Variants in AQR observed in about 807,000 individuals in gnomAD.
The protein encoded by AQR is RNA helicase aquarius.
A neutral mutation model predicts 180.5 loss-of-function variants in AQR; 61 were observed. The ratio of observed to expected loss-of-function variants is 0.34; its 90% CI spans 0.28 to 0.42. The LOEUF (loss-of-function observed/expected upper bound fraction) is 0.42. Ranked by LOEUF, AQR falls within the 10% of genes least tolerant of loss-of-function variation. The pLI is 1.00. For synonymous variants in AQR, 551 were observed against 588.8 expected, an observed-to-expected ratio of 0.94 and a Z score of 0.93; for missense variants, 1,281 against 1,798.3, an observed-to-expected ratio of 0.71 and a Z score of 5.20.
chr15:34,867,398 C>A, intron 32 of AQR, 126 bp downstream of exon 32: 1 of 717,472 alleles, frequency 1.4e-6, no homozygotes, highest in Non-Finnish European at 2.4e-6. Context: ...CAACAAAAAG[C>A]AGCAAAAGTT....
intron 13 of AQR, among the ~76,000 whole-genome samples, chr15:34,926,202 T>G (rs1288236909): frequency 6.6e-6 from 1 of 152,036 alleles, no homozygotes; most frequent in Admixed American, 6.5e-5. Flanking sequence ...AAAAAAATAG[T>G]ATGCTGGTCC....
At chr15:34,940,346 C>T (rs146293389) in intron 8 of AQR, among the ~76,000 whole-genome samples, 39 of 152,260 alleles carry the variant, frequency 2.6e-4, no homozygotes, top group African/African-American at 8.9e-4. Context: ...GCCTGACCAA[C>T]ATGGAGAAAC....
chr15:34,969,417 G>T, intron 1 of AQR, 122 bp downstream of exon 1: 2 of 992,298 alleles, frequency 2.0e-6, no homozygotes, highest in South Asian at 1.4e-5. Flanking sequence ...AGACGTGTGT[G>T]AATCAATTAA....
intron 13 of AQR, among the ~76,000 whole-genome samples, chr15:34,926,768 T>C (rs543318106): frequency 2.0e-5 from 3 of 152,326 alleles, no homozygotes; most frequent in African/African-American, 7.2e-5. Context: ...ACTGATGAGA[T>C]TGACCAGCTT....
chr15:34,874,626 A>G (rs1249137083), intron 29 of AQR, 51 bp downstream of exon 29: 1 of 1,595,740 alleles, frequency 6.3e-7, no homozygotes, highest in African/African-American at 1.4e-5. Context: ...TACTTGGATC[A>G]TGGAACAAAT....
intron 27 of AQR, among the ~76,000 whole-genome samples, chr15:34,880,987 C>T (rs1434462770): frequency 2.6e-5 from 4 of 152,092 alleles, no homozygotes; most frequent in Admixed American, 2.0e-4. Flanking sequence ...AACCTATTAG[C>T]ACTCATGCTA....
chr15:34,893,586 C>G, intron 23 of AQR, 77 bp downstream of exon 23: 1 of 1,287,660 alleles, frequency 7.8e-7, no homozygotes, highest in Non-Finnish European at 1.1e-6. Context: ...AACCTGCATA[C>G]CCATGTGCAT....
chr15:34,861,874 TA>T (rs1892675952), intron 33 of AQR, among the ~76,000 whole-genome samples: 1 of 152,096 alleles, frequency 6.6e-6, no homozygotes, highest in African/African-American at 2.4e-5. Context: ...TTTTTTTTAG[TA>T]GGGGTGGAGG....
At chr15:34,912,492 T>C (rs1893515936) in intron 16 of AQR, among the ~76,000 whole-genome samples, 1 of 152,114 alleles carries the variant, frequency 6.6e-6, no homozygotes, top group Non-Finnish European at 1.5e-5. Flanking sequence ...ATTTTCTATA[T>C]TTTAAGTATT....
intron 27 of AQR, among the ~76,000 whole-genome samples, chr15:34,881,799 GTTTT>G (rs200008371): frequency 6.6e-6 from 1 of 150,692 alleles, no homozygotes; most frequent in Non-Finnish European, 1.5e-5. Context: ...AAACCACTTT[GTTTT>G]TTTTTGTTTG....
chr15:34,897,018 A>T (rs745561831), intron 21 of AQR, 52 bp from the exon 22 acceptor site: 7 of 1,429,806 alleles, frequency 4.9e-6, no homozygotes, highest in Non-Finnish European at 6.9e-6. Context: ...TGCTTTGTAT[A>T]ATACAAATTT....
In AQR at chr15:34,950,797, T is replaced by G. The variant is rs771051705; in HGVS notation, c.209+2088A>C. On this transcript the variant is annotated intron_variant, in intron 4 of 34. Transcript: ENST00000156471. Reference sequence around the variant, plus strand: ...GTATAAACTCACCTTTACCAAGGTTTTATTTATAGAGTTTTCTGCAGTATA... The same window carrying G: ...GTATAAACTCACCTTTACCAAGGTTGTATTTATAGAGTTTTCTGCAGTATA... Among the ~76,000 whole-genome samples, 10 of 152,216 alleles carry G rather than the reference T, an allele frequency of 6.6e-5. No individual in the cohort carries two copies. In the South Asian group the frequency reaches 8.3e-4, roughly 13 times the overall value.
chr15:34,953,688 T>A (rs937458382), intron 3 of AQR, among the ~76,000 whole-genome samples: 2 of 152,240 alleles, frequency 1.3e-5, no homozygotes, highest in Non-Finnish European at 2.9e-5. Context: ...CCATCTTGAG[T>A]GACACACTCT....
At chr15:34,895,193 T>TAAAAAAAAAAAAAAAAAAAAAAAAAA (rs1893223221) in intron 22 of AQR, among the ~76,000 whole-genome samples, 1 of 27,176 alleles carries the variant, frequency 3.7e-5, no homozygotes, top group African/African-American at 1.2e-4. Context: ...AAAAAATATA[T>TAAAAAAAAAAAAAAAAAAAAAAAAAA]ATATATATAT....
At position 34,912,111 on chromosome 15, in the gene AQR, TTC is replaced by T. The variant is rs1192172177; in HGVS notation, c.1485-1800_1485-1799del. 2.0e-5 allele frequency among the ~76,000 whole-genome samples: 3 copies of T among 152,236 alleles called. No homozygotes were observed. In the East Asian group the frequency reaches 5.8e-4, roughly 29 times the overall value. ...ACAAGTGTGGGTTTACTTCTGGGCT[TTC>T]TGTTCTCTTTTGTTGGTCTATGTGT... On this transcript the variant is annotated intron_variant, in intron 16 of 34. Transcript: ENST00000156471.
At chr15:34,947,332 C>A (rs1380004022) in intron 5 of AQR, among the ~76,000 whole-genome samples, 2 of 150,808 alleles carry the variant, frequency 1.3e-5, no homozygotes. Flanking sequence ...TAAGAGTCAT[C>A]ACCACTCCCT....
At chr15:34,890,666 C>T (rs976869995) in intron 23 of AQR, among the ~76,000 whole-genome samples, 2 of 152,120 alleles carry the variant, frequency 1.3e-5, no homozygotes, top group Non-Finnish European at 2.9e-5. Flanking sequence ...CCTTGGGTTA[C>T]AGAGAACTGA....
Position 34,969,654 on chromosome 15 carries a change from C to A in AQR, c.-41G>T. 1 of 1,599,392 alleles carries A rather than the reference C, an allele frequency of 6.3e-7. No individual in the cohort carries two copies. Among genetic ancestry groups the A allele is most frequent in the East Asian group, 2.2e-5 (1 of 44,698 alleles). ...TCCACTCCAGTGGAAACTAAAGGACCGCTCTGGGCAGCGGCAACCCTGGTC... is the reference window on the plus strand; with the variant it reads ...TCCACTCCAGTGGAAACTAAAGGACAGCTCTGGGCAGCGGCAACCCTGGTC... On this transcript the variant is annotated 5_prime_UTR_variant, in exon 1 of 35. Coordinates refer to ENST00000156471, the MANE Select transcript of AQR (RefSeq NM_014691.3).
Position 34,870,752 on chromosome 15 carries a change from C to A in AQR, c.3768G>T (p.Lys1256Asn). The A allele has an allele frequency of 6.2e-7, 1 of 1,607,846 alleles. No individual in the cohort carries two copies. Among genetic ancestry groups the A allele is most frequent in the Non-Finnish European group, 8.5e-7 (1 of 1,177,314 alleles). The change falls in exon 31 of 35, where the codon AAG (lysine) becomes AAT (asparagine). Residue 1256 changes from lysine (K) to asparagine (N), a missense_variant and splice_region_variant. Coordinates refer to ENST00000156471, the MANE Select transcript of AQR (RefSeq NM_014691.3). ...GNNPLIGRPNKVTTVDRFQGQ... is the reference protein window; with the variant it reads ...GNNPLIGRPNNVTTVDRFQGQ... ...GAACATATTATAATTATAAAAGTAC[C>A]TTGTTTGGTCTTCCAATCAATGGAT...
Sources: gnomAD v4.1 joint callset for allele counts (sites outside exome capture counted in the v4.1 genomes callset) on GRCh38, gnomAD v4.1.1 for gene constraint, MANE v1.5 for transcripts, NCBI Gene and HGNC (gene_info 2026-07-23, HGNC 2026-07-21) for gene names.